Variants in CES5A observed in about 807,000 individuals in gnomAD.
CES5A encodes carboxylesterase 5A, also known as carboxylesterase 5.
A neutral mutation model predicts 62.9 loss-of-function variants in CES5A; 67 were observed. That is an observed-to-expected ratio of 1.07 (90% CI 0.88 to 1.31). The LOEUF (loss-of-function observed/expected upper bound fraction) is 1.31, where lower values mean the gene tolerates loss of function less well. Among genes scored for constraint, CES5A ranks in the 50% most tolerant of loss-of-function variants. The pLI is 0.00. For missense variants in CES5A, 748 were observed against 708.5 expected (o/e 1.06, Z -0.63); for synonymous variants, 296 against 280.8 (o/e 1.05, Z -0.54).
chr16:55,891,291 T>G (rs1250623709), intron 1 of CES5A, among the ~76,000 whole-genome samples: 2 of 152,234 alleles, frequency 1.3e-5, no homozygotes, highest in East Asian at 3.8e-4. Context: ...TTGCTCCATC[T>G]GTGAGGGCAC....
intron 1 of CES5A, among the ~76,000 whole-genome samples, chr16:55,896,283 C>T (rs2033933175): frequency 6.6e-6 from 1 of 152,188 alleles, no homozygotes; most frequent in Non-Finnish European, 1.5e-5. Flanking sequence ...TCAGTTACTT[C>T]CCACTGGGTC....
chr16:55,955,572 C>G (rs1048566726), intron 1 of CES5A, among the ~76,000 whole-genome samples: 1 of 152,162 alleles, frequency 6.6e-6, no homozygotes, highest in Non-Finnish European at 1.5e-5. Flanking sequence ...CGCCACATGC[C>G]GCATGGAGGA....
chr16:55,934,966 A>G (rs373558102), intron 2 of CES5A, among the ~76,000 whole-genome samples: 4 of 152,308 alleles, frequency 2.6e-5, no homozygotes, highest in African/African-American at 9.6e-5. Flanking sequence ...TTTTTGAGAC[A>G]GAGTCTCACT....
At chr16:55,863,491 C>T in intron 5 of CES5A, 39 bp from the exon 6 acceptor site, 2 of 971,912 alleles carry the variant, frequency 2.1e-6, no homozygotes, top group Non-Finnish European at 3.4e-6. Context: ...AAGGTTACTC[C>T]CCACCAACAC....
rs1386036184 is a variant in CES5A, at chr16:55,871,941, A to C, written c.279-178T>G. On this transcript the variant is annotated intron_variant, in intron 2 of 12. Transcript: ENST00000290567. ...CCCATGGTTTCCAAAACAAACAAGCAAGCAAATTATAATTCTCATTGATCT... is the reference window on the plus strand; with the variant it reads ...CCCATGGTTTCCAAAACAAACAAGCCAGCAAATTATAATTCTCATTGATCT... 6.7e-6 allele frequency: 4 copies of C among 598,564 alleles called. No homozygotes were observed. In the East Asian group the frequency reaches 1.2e-4, roughly 18 times the overall value. 37.1% of individuals were successfully genotyped at this position (598,564 alleles called of 1,614,324 possible).
chr16:55,882,230 A>C (rs1215930064), intron 1 of CES5A, among the ~76,000 whole-genome samples: 1 of 152,204 alleles, frequency 6.6e-6, no homozygotes, highest in Non-Finnish European at 1.5e-5. Context: ...ACATACCCCC[A>C]GTCCTTCCTA....
chr16:55,876,183 A>G (rs2033690746), upstream of CES5A, among the ~76,000 whole-genome samples: 1 of 152,138 alleles, frequency 6.6e-6, no homozygotes, highest in African/African-American at 2.4e-5. Flanking sequence ...TGGCTTCCCA[A>G]AGCTCAGCCC....
rs765712185 is a variant in CES5A at position 55,873,912 on chromosome 16, G to A, written c.199C>T (p.Leu67=). ...GGGTTCGTAAATCGCAGGGATCCCA[G>A]CGGGGGAGCAGCAAAGGGGACTCCG... ...FLGVPFAAPP[L]GSLRFTNPQP... The change falls in exon 2 of 13, where the codon CTG becomes TTG. Residue 67 remains leucine, a synonymous_variant. Coordinates refer to ENST00000290567, the MANE Select transcript of CES5A (RefSeq NM_001143685.2). The A allele has an allele frequency of 3.7e-6, 6 of 1,613,948 alleles. No individual in the cohort carries two copies. The Admixed American group carries it at 1.0e-4, about 27-fold the overall frequency.
chr16:55,848,657 C>A (rs1279499135), intron 11 of CES5A, among the ~76,000 whole-genome samples: 2 of 152,110 alleles, frequency 1.3e-5, no homozygotes, highest in African/African-American at 4.8e-5. Flanking sequence ...ATCTGTTACC[C>A]AGTTTTCAAT....
At chr16:55,956,029 G>A (rs2034606935) in exon 1 of CES5A, 14 of 854,804 alleles carry the variant, frequency 1.6e-5, no homozygotes, top group Non-Finnish European at 2.3e-5. Flanking sequence ...ACCGTTGCCA[G>A]CTGGCTGCAT....
intron 9 of CES5A, among the ~76,000 whole-genome samples, chr16:55,855,231 C>CACATGTGTT (rs1230338165): frequency 2.6e-5 from 4 of 152,240 alleles, no homozygotes; most frequent in Non-Finnish European, 5.9e-5. Flanking sequence ...ACTCTCACTA[C>CACATGTGTT]ACATGTGTTC....
intron 1 of CES5A, among the ~76,000 whole-genome samples, chr16:55,885,703 T>A (rs1368827046): frequency 6.6e-6 from 1 of 152,130 alleles, no homozygotes; most frequent in East Asian, 1.9e-4. Flanking sequence ...GTGGGAAGCA[T>A]GGCCTTGATG....
intron 1 of CES5A, among the ~76,000 whole-genome samples, chr16:55,954,992 A>C (rs557916523): frequency 6.6e-6 from 1 of 152,294 alleles, no homozygotes; most frequent in South Asian, 2.1e-4. Context: ...ATGCACAAGG[A>C]AATTGTCCAA....
In CES5A at chr16:55,951,449, T is replaced by C. The variant is rs572317550; in HGVS notation, c.43-1547A>G. 2.0e-5 allele frequency among the ~76,000 whole-genome samples: 3 copies of C among 152,176 alleles called. No individual in the cohort carries two copies. The East Asian group carries it at 5.8e-4, about 29-fold the overall frequency. On this transcript the variant is annotated intron_variant, in intron 1 of 13. Transcript: ENST00000521992. ...TATGCATTAGCAATAAAAAATAGGT[T>C]GAATAATTTCCAACTATTATAGAAG...
At chr16:55,863,228 A>C in intron 6 of CES5A, 120 bp downstream of exon 6, 1 of 694,438 alleles carries the variant, frequency 1.4e-6, no homozygotes, top group Non-Finnish European at 2.7e-6. Flanking sequence ...ACCTTGGGCC[A>C]GCATGAGGTG....
chr16:55,889,960 T>C (rs935377992), intron 1 of CES5A, among the ~76,000 whole-genome samples: 1 of 152,218 alleles, frequency 6.6e-6, no homozygotes, highest in South Asian at 2.1e-4. Context: ...AGTCTTAAAA[T>C]AGAAGCTTCT....
intron 1 of CES5A, among the ~76,000 whole-genome samples, chr16:55,952,505 A>G (rs2034568238): frequency 6.6e-6 from 1 of 152,160 alleles, no homozygotes; most frequent in African/African-American, 2.4e-5. Context: ...CTATCAATAA[A>G]TTAGAACAGC....
At chr16:55,945,631 C>T (rs2034487191) in intron 2 of CES5A, among the ~76,000 whole-genome samples, 2 of 152,206 alleles carry the variant, frequency 1.3e-5, no homozygotes, top group Admixed American at 6.5e-5. Flanking sequence ...AACAAGGCAG[C>T]TTGATAGATC....
intron 2 of CES5A, chr16:55,944,462 C>T (rs565375094): frequency 1.1e-5 from 2 of 181,658 alleles, no homozygotes; most frequent in African/African-American, 4.7e-5. Flanking sequence ...CAGTGCCACT[C>T]AGACCACTAG....
Sources: allele counts gnomAD v4.1 joint callset (sites outside exome capture counted in the v4.1 genomes callset), GRCh38; gene constraint gnomAD v4.1.1; transcripts MANE v1.5; gene names NCBI Gene and HGNC (gene_info 2026-07-23, HGNC 2026-07-21).